STAU2: variants seen among roughly 807,000 people sequenced by gnomAD.
STAU2 encodes staufen double-stranded RNA binding protein 2.
A neutral mutation model predicts 65.9 loss-of-function variants in STAU2; 20 were observed. The observed-to-expected ratio is 0.30, with a 90% CI of 0.21 to 0.44. STAU2 has a LOEUF of 0.44. Among genes scored for constraint, STAU2 ranks in the 20% least tolerant of loss-of-function variants. The probability of loss-of-function intolerance (pLI) is 1.00; values close to 1 mark genes in which losing one functional copy is unlikely to be tolerated. For synonymous variants in STAU2, 232 were observed against 233.9 expected (o/e 0.99, Z 0.07); for missense variants, 558 against 683.9 (o/e 0.82, Z 2.05).
At chr8:73,495,887 C>G (rs189632419) in intron 13 of STAU2, among the ~76,000 whole-genome samples, 1 of 151,334 alleles carries the variant, frequency 6.6e-6, no homozygotes, top group Admixed American at 6.6e-5. Context: ...TGTATGTTCT[C>G]TTTTGTCTCC....
At chr8:73,690,383 C>T (rs1048793122) in intron 4 of STAU2, among the ~76,000 whole-genome samples, 2 of 146,446 alleles carry the variant, frequency 1.4e-5, no homozygotes, top group South Asian at 4.3e-4. Flanking sequence ...ATGATAAATA[C>T]CATGCATGAT....
chr8:73,581,611 C>A (rs571346208), intron 12 of STAU2, among the ~76,000 whole-genome samples: 1 of 152,270 alleles, frequency 6.6e-6, no homozygotes, highest in South Asian at 2.1e-4. Flanking sequence ...AGGAACTGAA[C>A]ACAAACTCTA....
At chr8:73,568,709 T>C (rs1304129435) in intron 12 of STAU2, among the ~76,000 whole-genome samples, 1 of 152,148 alleles carries the variant, frequency 6.6e-6, no homozygotes, top group Non-Finnish European at 1.5e-5. Context: ...TCTTAGTATA[T>C]GGTAACAGTG....
intron 13 of STAU2, among the ~76,000 whole-genome samples, chr8:73,498,046 T>G (rs576535462): frequency 6.6e-6 from 1 of 151,892 alleles, no homozygotes; most frequent in Non-Finnish European, 1.5e-5. Context: ...ATTGTGTTTG[T>G]AAATTTGCCA....
intron 6 of STAU2, among the ~76,000 whole-genome samples, chr8:73,633,337 C>G (rs1044477453): frequency 3.3e-5 from 5 of 152,174 alleles, no homozygotes; most frequent in African/African-American, 9.7e-5. Flanking sequence ...CACAGCACCC[C>G]CTAACCTCAA....
At chr8:73,674,732 G>A (rs1471686118) in intron 5 of STAU2, among the ~76,000 whole-genome samples, 1 of 149,970 alleles carries the variant, frequency 6.7e-6, no homozygotes, top group Non-Finnish European at 1.5e-5. Flanking sequence ...ACATAAAATA[G>A]ACTAAAGAAT....
At chr8:73,542,646 T>A (rs1377532666) in intron 13 of STAU2, among the ~76,000 whole-genome samples, 2 of 152,186 alleles carry the variant, frequency 1.3e-5, no homozygotes, top group African/African-American at 2.4e-5. Context: ...AAAATCCCAA[T>A]TAGAAACTGA....
intron 6 of STAU2, among the ~76,000 whole-genome samples, chr8:73,656,549 G>A (rs1404727821): frequency 3.3e-5 from 5 of 152,204 alleles, no homozygotes; most frequent in Non-Finnish European, 5.9e-5. Flanking sequence ...ACCTGCTATT[G>A]TTTCCCTTAG....
chr8:73,479,811 T>C (rs1820517416), intron 13 of STAU2, among the ~76,000 whole-genome samples: 1 of 151,804 alleles, frequency 6.6e-6, no homozygotes, highest in Non-Finnish European at 1.5e-5. Context: ...TGAAGTTTTA[T>C]ATCCATTATA....
At chr8:73,669,054 G>C in intron 6 of STAU2, 5 of 536,500 alleles carry the variant, frequency 9.3e-6, no homozygotes, top group Non-Finnish European at 9.6e-6. Context: ...ACAAGGAAAA[G>C]ACATCTCCTT....
rs1431561090 is a variant in STAU2, at chr8:73,657,663, T to A, written c.410+15444A>T. Among the ~76,000 whole-genome samples, 3 of 152,328 alleles carry A rather than the reference T, an allele frequency of 2.0e-5. No individual in the cohort carries two copies. The East Asian group carries it at 5.8e-4, about 29-fold the overall frequency. On this transcript the variant is annotated intron_variant, in intron 6 of 14. Coordinates refer to ENST00000524300, the MANE Select transcript of STAU2 (RefSeq NM_001164380.2). Reference sequence around the variant, plus strand: ...TTTATATTGGTATTAGACTGCAACTTCCTTTTCTGTACTGTCTTTACCAGG... The same window carrying A: ...TTTATATTGGTATTAGACTGCAACTACCTTTTCTGTACTGTCTTTACCAGG...
intron 4 of STAU2, among the ~76,000 whole-genome samples, chr8:73,697,680 G>C (rs187705420): frequency 2.0e-5 from 3 of 152,294 alleles, no homozygotes; most frequent in Admixed American, 2.0e-4. Flanking sequence ...TAAAAAGCTG[G>C]CAGCGGGGAC....
chr8:73,691,995 A>G (rs886742877), intron 4 of STAU2, among the ~76,000 whole-genome samples: 4 of 152,090 alleles, frequency 2.6e-5, no homozygotes, highest in South Asian at 2.1e-4. Flanking sequence ...TCCCATTCCT[A>G]TCCACCACGG....
chr8:73,569,467 T>C (rs1808873950), intron 12 of STAU2, among the ~76,000 whole-genome samples: 1 of 152,058 alleles, frequency 6.6e-6, no homozygotes, highest in Non-Finnish European at 1.5e-5. Flanking sequence ...GTAGTGGTTC[T>C]CCCAGCATGG....
At chr8:73,747,155 C>T, upstream of STAU2, 6 of 473,300 alleles carry the variant, frequency 1.3e-5, no homozygotes, top group South Asian at 2.2e-4. Flanking sequence ...GAGCTGGGCC[C>T]CTGGGCGAGG....
intron 6 of STAU2, among the ~76,000 whole-genome samples, chr8:73,642,310 G>T (rs1197507982): frequency 6.6e-6 from 1 of 152,056 alleles, no homozygotes; most frequent in Non-Finnish European, 1.5e-5. Flanking sequence ...GGATCATGAG[G>T]TCAGGAGATC....
chr8:73,559,782 C>G (rs1808061395), intron 12 of STAU2, among the ~76,000 whole-genome samples: 1 of 152,090 alleles, frequency 6.6e-6, no homozygotes, highest in African/African-American at 2.4e-5. Flanking sequence ...GTGACTCCAC[C>G]TCTTCTTTTA....
intron 8 of STAU2, among the ~76,000 whole-genome samples, chr8:73,615,307 A>C (rs1228426400): frequency 6.6e-6 from 1 of 152,164 alleles, no homozygotes; most frequent in East Asian, 1.9e-4. Context: ...CAATTGAAAA[A>C]AAAATTGGAT....
At chr8:73,674,703 T>TATA (rs762046960) in intron 5 of STAU2, among the ~76,000 whole-genome samples, 9 of 149,036 alleles carry the variant, frequency 6.0e-5, no homozygotes, top group East Asian at 5.9e-4. Context: ...TAAAATTATT[T>TATA]TATATATATA....
Sources: allele counts gnomAD v4.1 joint callset (sites outside exome capture counted in the v4.1 genomes callset), GRCh38; gene constraint gnomAD v4.1.1; transcripts MANE v1.5; gene names NCBI Gene and HGNC (gene_info 2026-07-23, HGNC 2026-07-21).